The following MICAL2 variants were observed in gnomAD, a reference collection of about 807,000 sequenced individuals.
MICAL2 encodes the protein [F-actin]-monooxygenase MICAL2.
A neutral mutation model predicts 127.3 loss-of-function variants in MICAL2; 77 were observed. The ratio of observed to expected loss-of-function variants is 0.60; its 90% CI spans 0.50 to 0.73. The LOEUF is 0.73. MICAL2 is among the 30% of genes least tolerant of loss of function. MICAL2 has a pLI of 0.00. For synonymous variants in MICAL2, 570 were observed against 551.1 expected (o/e 1.03, Z -0.48); for missense variants, 1,351 against 1,434.4 (o/e 0.94, Z 0.94).
At chr11:12,333,621 C>A (rs72857263) in intron 32 of MICAL2, among the ~76,000 whole-genome samples, 12,389 of 152,018 alleles carry the variant, frequency 0.081, 782 homozygotes, top group African/African-American at 0.17. Context: ...GTCTATATGA[C>A]AAAAACCCCA....
intron 2 of MICAL2, among the ~76,000 whole-genome samples, chr11:12,158,352 G>A (rs368356450): frequency 4.6e-5 from 7 of 151,988 alleles, no homozygotes; most frequent in African/African-American, 1.7e-4. Context: ...TGATGTTTGG[G>A]CTGTTTGAAG....
At chr11:12,358,271 AGT>A (rs1215127105) in intron 34 of MICAL2, 7 of 1,609,844 alleles carry the variant, frequency 4.3e-6, no homozygotes, top group Non-Finnish European at 8.5e-7. Context: ...CTCTGAGCCC[AGT>A]GGTTTTCTTT....
chr11:12,269,523 G>A (rs563758729), intron 24 of MICAL2, among the ~76,000 whole-genome samples: 2 of 152,310 alleles, frequency 1.3e-5, no homozygotes, highest in African/African-American at 4.8e-5. Context: ...TCACCTGAAT[G>A]GAGGAGTCCT....
At chr11:12,189,197 T>A (rs1858735561) in intron 3 of MICAL2, among the ~76,000 whole-genome samples, 1 of 152,212 alleles carries the variant, frequency 6.6e-6, no homozygotes, top group Admixed American at 6.5e-5. Context: ...TAGTGGGACC[T>A]CTGCATCTGC....
chr11:12,206,231 G>T (rs1854663435), intron 4 of MICAL2, among the ~76,000 whole-genome samples: 1 of 152,178 alleles, frequency 6.6e-6, no homozygotes, highest in Admixed American at 6.5e-5. Flanking sequence ...TGGGTACCAG[G>T]ATGCCTTGTG....
chr11:12,308,535 A>T (rs888012880), intron 29 of MICAL2, among the ~76,000 whole-genome samples: 1 of 152,196 alleles, frequency 6.6e-6, no homozygotes, highest in African/African-American at 2.4e-5. Context: ...TTGTAAATAA[A>T]ATTGCTTCCT....
chr11:12,278,213 T>A (rs982692070), intron 1 of MICAL2, among the ~76,000 whole-genome samples: 7 of 152,238 alleles, frequency 4.6e-5, no homozygotes, highest in Non-Finnish European at 1.0e-4. Context: ...CAATAATAAA[T>A]TGGCTTACTG....
intron 15 of MICAL2, 115 bp from the exon 16 acceptor site, chr11:12,236,062 G>T: frequency 1.2e-6 from 1 of 821,330 alleles, no homozygotes. Context: ...CTGTTTGTGG[G>T]CAGGGACACA....
chr11:12,355,572 T>C (rs953127176), intron 34 of MICAL2, among the ~76,000 whole-genome samples: 1 of 152,236 alleles, frequency 6.6e-6, no homozygotes, highest in Middle Eastern at 3.2e-3. Flanking sequence ...AGAATGTCTA[T>C]ACCTCAGGGA....
chr11:12,345,009 G>A (rs1234149839), intron 32 of MICAL2, among the ~76,000 whole-genome samples: 1 of 151,730 alleles, frequency 6.6e-6, no homozygotes, highest in African/African-American at 2.4e-5. Flanking sequence ...CTACTCGGGA[G>A]GCTGAGGCAG....
At chr11:12,304,316 A>T (rs902837158) in intron 29 of MICAL2, among the ~76,000 whole-genome samples, 2 of 152,066 alleles carry the variant, frequency 1.3e-5, no homozygotes, top group Non-Finnish European at 2.9e-5. Context: ...TATCCAATCA[A>T]TTAAGCAGCA....
At chr11:12,283,357 A>T (rs1269296319) in intron 2 of MICAL2, among the ~76,000 whole-genome samples, 1 of 151,980 alleles carries the variant, frequency 6.6e-6, no homozygotes, top group African/African-American at 2.4e-5. Context: ...AAAAAAAAAA[A>T]AAAAAGACTC....
chr11:12,148,214 G>A lies in MICAL2; in HGVS notation c.-78+9754G>A, dbSNP rs113677463. Among the ~76,000 whole-genome samples, 991 of 152,270 alleles carry A rather than the reference G, an allele frequency of 6.5e-3. 13 individuals carry two copies. Among genetic ancestry groups the A allele is most frequent in the African/African-American group, 0.02 (836 of 41,534 alleles). On this transcript the variant is annotated intron_variant, in intron 2 of 27. Transcript: ENST00000683283. ...GAATAGACTGTGAAGCTCCTAGGGG[G>A]CACAGCTTGTAGTAGGTGTTCAGTC...
intron 22 of MICAL2, among the ~76,000 whole-genome samples, chr11:12,252,312 TA>T (rs1861655050): frequency 6.6e-6 from 1 of 152,192 alleles, no homozygotes; most frequent in Non-Finnish European, 1.5e-5. Context: ...AGCAGAATCC[TA>T]ATCCCTCCCA....
intron 3 of MICAL2, among the ~76,000 whole-genome samples, chr11:12,191,977 C>A (rs1859213656): frequency 6.6e-6 from 1 of 151,934 alleles, no homozygotes; most frequent in Non-Finnish European, 1.5e-5. Context: ...GCAAGGAGCT[C>A]CCTTAGACTT....
In MICAL2 at chr11:12,281,152, A is replaced by ACC. The variant is rs11414011; in HGVS notation, c.254+57_254+58dup. On this transcript the variant is annotated intron_variant, in intron 2 of 2. Transcript: ENST00000529028. ...TCTGGGAAGTGGGGAGGGAACAGAG[A>ACC]CCCCCACAGCTGAATTTCCCTCTTG... 9.1e-4 allele frequency: 364 copies of ACC among 398,600 alleles called. 4 individuals are homozygous for ACC. The East Asian group carries it at 0.013, about 14-fold the overall frequency. 24.7% of individuals were successfully genotyped at this position (398,600 alleles called of 1,614,324 possible).
At chr11:12,141,663 G>A (rs565505334) in intron 2 of MICAL2, among the ~76,000 whole-genome samples, 13 of 152,308 alleles carry the variant, frequency 8.5e-5, no homozygotes, top group African/African-American at 3.1e-4. Context: ...TGGGATTAAA[G>A]GTTGTTGGGA....
chr11:12,228,757 C>T (rs560445621), intron 15 of MICAL2, among the ~76,000 whole-genome samples: 13 of 152,176 alleles, frequency 8.5e-5, no homozygotes, highest in African/African-American at 3.1e-4. Flanking sequence ...CAGCCAGGGT[C>T]GGGGCTGAGG....
At chr11:12,152,900 C>A (rs1383862792) in intron 2 of MICAL2, among the ~76,000 whole-genome samples, 1 of 150,976 alleles carries the variant, frequency 6.6e-6, no homozygotes, top group Non-Finnish European at 1.5e-5. Flanking sequence ...TATTCCCTGG[C>A]CTTGGGCAGC....
Sources: allele counts gnomAD v4.1 joint callset (sites outside exome capture counted in the v4.1 genomes callset), GRCh38; gene constraint gnomAD v4.1.1; transcripts MANE v1.5; gene names NCBI Gene and HGNC (gene_info 2026-07-23, HGNC 2026-07-21).